Variants in TMEM132B observed in about 807,000 individuals in gnomAD.
The protein encoded by TMEM132B is transmembrane protein 132B.
TMEM132B carries 18 observed loss-of-function variants against 90.8 expected under a neutral mutation model. The observed-to-expected ratio is 0.20, with a 90% confidence interval of 0.14 to 0.29. The LOEUF is 0.29. TMEM132B is among the 10% of genes least tolerant of loss of function. The pLI is 1.00. For missense variants in TMEM132B, 1,096 were observed against 1,326.8 expected (o/e 0.83, Z 2.70); for synonymous variants, 504 against 523.3 (o/e 0.96, Z 0.50).
At chr12:125,304,036 GGGGATTGTTTT>G (rs1875896022) in intron 1 of TMEM132B, among the ~76,000 whole-genome samples, 1 of 152,214 alleles carries the variant, frequency 6.6e-6, no homozygotes, top group Non-Finnish European at 1.5e-5. Flanking sequence ...GACAGTGATG[GGGGATTGTTTT>G]GGGATAAAAC....
intron 1 of TMEM132B, among the ~76,000 whole-genome samples, chr12:125,244,525 G>T (rs578131594): frequency 2.6e-4 from 39 of 152,344 alleles, no homozygotes; most frequent in East Asian, 1.5e-3. Context: ...ATCTTCCCCA[G>T]TGTTCTCTGT....
rs1336836755 is a variant in TMEM132B, at chr12:125,349,177, C to A, written c.68-275C>A. Among the ~76,000 whole-genome samples the A allele has an allele frequency of 1.3e-5, 2 of 152,160 alleles. No individual in the cohort carries two copies. Among genetic ancestry groups the A allele is most frequent in the Non-Finnish European group, 2.9e-5 (2 of 68,038 alleles). On this transcript the variant is annotated intron_variant, in intron 1 of 8. Transcript: ENST00000682704. The surrounding 1 kb of genome is among the most constrained non-coding windows in gnomAD (Gnocchi z 4.1). ...TGAGTTTATGATTTCGCACAAGCAG[C>A]AGAAGCAATGTTTTCCCTTTAGAAA... is the stretch of plus-strand genomic sequence containing the variant.
intron 3 of TMEM132B, among the ~76,000 whole-genome samples, chr12:125,495,235 G>C (rs1226623936): frequency 1.1e-5 from 1 of 88,050 alleles, no homozygotes; most frequent in Non-Finnish European, 2.1e-5. Flanking sequence ...GAAAATGGCC[G>C]TGTCCGTCCT....
intron 1 of TMEM132B, among the ~76,000 whole-genome samples, chr12:125,298,271 A>AGGACCTGGTCCTCCAGCCCTTCCCATGTC (rs1875720781): frequency 6.6e-6 from 1 of 151,976 alleles, no homozygotes; most frequent in Admixed American, 6.6e-5. Context: ...AAAACAAAAC[A>AGGACCTGGTCCTCCAGCCCTTCCCATGTC]AAATGAAAAC....
intron 1 of TMEM132B, among the ~76,000 whole-genome samples, chr12:125,324,577 T>A (rs1876511798): frequency 6.7e-6 from 1 of 150,300 alleles, no homozygotes; most frequent in African/African-American, 2.5e-5. Flanking sequence ...CTAGCGAGCA[T>A]TACTGCCTGA....
intron 1 of TMEM132B, among the ~76,000 whole-genome samples, chr12:125,219,109 T>C (rs1873503546): frequency 6.6e-6 from 1 of 152,216 alleles, no homozygotes; most frequent in African/African-American, 2.4e-5. Context: ...AGTCATCCAT[T>C]GCTCAAGATA....
At chr12:125,365,679 G>A (rs1431666843) in intron 2 of TMEM132B, among the ~76,000 whole-genome samples, 1 of 151,714 alleles carries the variant, frequency 6.6e-6, no homozygotes, top group African/African-American at 2.4e-5. Context: ...TATTTGTAGA[G>A]TTCTGAGTTG....
chr12:125,270,194 T>C (rs1874802468), intron 1 of TMEM132B, among the ~76,000 whole-genome samples: 1 of 150,546 alleles, frequency 6.6e-6, no homozygotes, highest in Admixed American at 6.6e-5. Context: ...TGGAGTGCAG[T>C]GGTGCAATCA....
chr12:125,460,043 C>G lies in TMEM132B; in HGVS notation c.1106+44366C>G, dbSNP rs1441258726. Among the ~76,000 whole-genome samples the G allele has an allele frequency of 6.6e-6, 1 of 152,202 alleles. No individual in the cohort carries two copies. The highest frequency in any genetic ancestry group is 1.5e-5 in the Non-Finnish European group (1 of 68,048). On this transcript the variant is annotated intron_variant, in intron 3 of 8. Transcript: ENST00000682704. The surrounding 1 kb of genome is among the most constrained non-coding windows in gnomAD (Gnocchi z 4.4). Reference sequence around the variant, plus strand: ...AACCTCTTTTTCTTTATAAATTACACAGTCTCAGGTATGCCTTTATCAGCA... The same window carrying G: ...AACCTCTTTTTCTTTATAAATTACAGAGTCTCAGGTATGCCTTTATCAGCA...
Position 125,337,544 on chromosome 12 carries a change from G to C in TMEM132B, c.68-11908G>C, listed in dbSNP as rs914717085. On this transcript the variant is annotated intron_variant, in intron 1 of 8. Transcript: ENST00000682704. ...TCAAGAAGAAGTCTTGTGGCCATAC[G>C]TGGATACAGGAGAGGCTGGGAAAGT... Among the ~76,000 whole-genome samples, 6 of 152,252 alleles carry C rather than the reference G, an allele frequency of 3.9e-5. No individual in the cohort carries two copies. In the East Asian group the frequency reaches 1.2e-3, roughly 29 times the overall value.
chr12:125,630,314 T>G (rs1886333747), intron 5 of TMEM132B, among the ~76,000 whole-genome samples: 1 of 152,064 alleles, frequency 6.6e-6, no homozygotes, highest in African/African-American at 2.4e-5. Flanking sequence ...TGGATCTCAT[T>G]ACTTGTTATT....
intron 5 of TMEM132B, among the ~76,000 whole-genome samples, chr12:125,640,905 G>A (rs1886613954): frequency 6.7e-6 from 1 of 149,242 alleles, no homozygotes; most frequent in Non-Finnish European, 1.5e-5. Flanking sequence ...AGCGAGTACT[G>A]AACCTTTGCT....
chr12:125,276,076 G>T (rs1250574704), intron 1 of TMEM132B, among the ~76,000 whole-genome samples: 3 of 152,304 alleles, frequency 2.0e-5, no homozygotes, highest in South Asian at 2.1e-4. Context: ...GTATCCATGG[G>T]TGTTTGACTC....
At chr12:125,355,027 C>A (rs553456148) in intron 2 of TMEM132B, among the ~76,000 whole-genome samples, 3 of 151,940 alleles carry the variant, frequency 2.0e-5, no homozygotes, top group East Asian at 1.9e-4. Flanking sequence ...TGCAGGCCTG[C>A]ATGTGTGAGT....
chr12:125,220,758 A>G (rs1371459944), intron 1 of TMEM132B, among the ~76,000 whole-genome samples: 1 of 152,192 alleles, frequency 6.6e-6, no homozygotes, highest in Non-Finnish European at 1.5e-5. Flanking sequence ...CCCAGATCGT[A>G]GGAGCGTGTA....
At chr12:125,469,651 G>A (rs907530229) in intron 3 of TMEM132B, among the ~76,000 whole-genome samples, 1 of 152,120 alleles carries the variant, frequency 6.6e-6, no homozygotes, top group Non-Finnish European at 1.5e-5. Context: ...TTCCAGCCCG[G>A]TGTCTTCTCC....
intron 2 of TMEM132B, among the ~76,000 whole-genome samples, chr12:125,376,126 T>G (rs1878472615): frequency 6.6e-6 from 1 of 152,214 alleles, no homozygotes; most frequent in African/African-American, 2.4e-5. Context: ...CTAATCTCCT[T>G]GTCTGATGGC....
At chr12:125,491,492 AG>A (rs1287448450) in intron 3 of TMEM132B, among the ~76,000 whole-genome samples, 2 of 152,184 alleles carry the variant, frequency 1.3e-5, no homozygotes, top group African/African-American at 4.8e-5. Flanking sequence ...CAGCTCACCA[AG>A]GGTTTCCTCC....
intron 1 of TMEM132B, among the ~76,000 whole-genome samples, chr12:125,244,668 T>TC (rs1201709643): frequency 2.0e-5 from 3 of 152,226 alleles, no homozygotes; most frequent in South Asian, 2.1e-4. Flanking sequence ...AAGGAGACCT[T>TC]CCTCCCCTCC....
Sources: gnomAD v4.1 joint callset for allele counts (sites outside exome capture counted in the v4.1 genomes callset) on GRCh38, gnomAD v4.1.1 for gene constraint, Gnocchi (gnomAD v3.1) non-coding constraint, MANE v1.5 for transcripts, NCBI Gene and HGNC (gene_info 2026-07-23, HGNC 2026-07-21) for gene names.